Variants in NGFR observed in about 807,000 individuals in gnomAD.
NGFR encodes the protein nerve growth factor receptor, also known as tumor necrosis factor receptor superfamily member 16.
A neutral mutation model predicts 43.2 loss-of-function variants in NGFR; 30 were observed. The observed-to-expected ratio is 0.69, with a 90% confidence interval of 0.52 to 0.94. The LOEUF (loss-of-function observed/expected upper bound fraction) is 0.94, where lower values mean the gene tolerates loss of function less well. NGFR is among the 40% of genes least tolerant of loss of function. The pLI, the probability that NGFR is intolerant of heterozygous loss-of-function variation, is 0.00. For synonymous variants in NGFR, 246 were observed against 259.6 expected (o/e 0.95, Z 0.50); for missense variants, 529 against 602.5 (o/e 0.88, Z 1.28).
Position 49,506,554 on chromosome 17 carries a change from C to A in NGFR, c.464C>A (p.Ser155Tyr). The change falls in exon 3 of 6, where the codon TCC becomes TAC. Residue 155 changes from serine (S) to tyrosine (Y), a missense_variant. Physicochemically the swap from Ser to Tyr is moderately radical, Grantham distance 144. Coordinates refer to ENST00000172229, the MANE Select transcript of NGFR (RefSeq NM_002507.4). ...GAGGAGTGCCCCGACGGCACGTATT[C>A]CGACGAGGCCAACCACGTGGACCCG... is the stretch of plus-strand genomic sequence containing the variant. ...VCEECPDGTYSDEANHVDPCL... is the reference protein window; with the variant it reads ...VCEECPDGTYYDEANHVDPCL... The A allele has an allele frequency of 6.2e-7, 1 of 1,611,574 alleles. No homozygotes were observed. The highest frequency in any genetic ancestry group is 8.5e-7 in the Non-Finnish European group (1 of 1,179,558).
At chr17:49,506,097 C>A in intron 2 of NGFR, 2 of 1,045,302 alleles carry the variant, frequency 1.9e-6, no homozygotes, top group Non-Finnish European at 2.6e-6. Context: ...CGGCTCCGGG[C>A]CTCCTCCCCC....
chr17:49,512,819 A>C lies in NGFR; in HGVS notation c.1094A>C (p.Glu365Ala), dbSNP rs1438373340. 2.6e-5 allele frequency: 42 copies of C among 1,613,290 alleles called. No homozygotes were observed. The highest frequency in any genetic ancestry group is 3.4e-5 in the Non-Finnish European group (40 of 1,179,980). ...GACACCTGGCGGCACCTGGCGGGCG[A>C]GCTGGGCTACCAGCCCGAGCACATA... Reference protein sequence around the residue: ...AGDTWRHLAGELGYQPEHIDS... With the variant: ...AGDTWRHLAGALGYQPEHIDS... Residue 365 changes from glutamate to alanine, a missense_variant, in exon 6 of 6, where the codon GAG becomes GCG. Transcript: ENST00000172229. This position sits in a 1 kb window ranked among gnomAD's most constrained non-coding sequence, Gnocchi z 5.2.
chr17:49,505,988 G>C, intron 2 of NGFR: 1 of 425,464 alleles, frequency 2.4e-6, no homozygotes. Flanking sequence ...TACAGGCCTG[G>C]GAACTCTCAA....
At chr17:49,497,115 CA>C (rs2071142965) in intron 1 of NGFR, 1 of 152,268 alleles carries the variant, frequency 6.6e-6, no homozygotes, top group Non-Finnish European at 1.5e-5. Flanking sequence ...CCCACCTTTT[CA>C]GGGGGCAGCC....
intron 4 of NGFR, 72 bp downstream of exon 4, chr17:49,510,736 CCTGAAAACATA>C: frequency 1.9e-6 from 3 of 1,568,224 alleles, no homozygotes; most frequent in Non-Finnish European, 2.6e-6. Flanking sequence ...GTGACCTTGA[CCTGAAAACATA>C]CACACCCTTT....
At chr17:49,502,000 A>AGCC in intron 1 of NGFR, 63 bp from the exon 2 acceptor site, 21 of 264,884 alleles carry the variant, frequency 7.9e-5, no homozygotes, top group Non-Finnish European at 1.3e-4. Flanking sequence ...CCCCGGAAGA[A>AGCC]CCCCCCCCAA....
At chr17:49,503,454 C>T (rs999999127) in intron 2 of NGFR, among the ~76,000 whole-genome samples, 38 of 152,094 alleles carry the variant, frequency 2.5e-4, no homozygotes, top group African/African-American at 8.7e-4. Context: ...CTGGAGGGCT[C>T]GAGGGAACCA....
intron 2 of NGFR, among the ~76,000 whole-genome samples, chr17:49,504,926 T>C (rs1298246742): frequency 1.3e-5 from 2 of 151,932 alleles, no homozygotes; most frequent in Admixed American, 1.3e-4. Context: ...CGTGCACCAC[T>C]ACACCCAGCT....
In NGFR at chr17:49,513,681, C is replaced by G. The variant is rs2071250584; in HGVS notation, c.*672C>G. 1 of 152,386 alleles carries G rather than the reference C, an allele frequency of 6.6e-6. No homozygotes were observed. The highest frequency in any genetic ancestry group is 2.4e-5 in the African/African-American group (1 of 41,460). The allele number at this position is 152,386 out of a possible 1,614,324, so 9.4% of individuals were successfully genotyped here. On this transcript the variant is annotated 3_prime_UTR_variant, in exon 6 of 6. Transcript: ENST00000172229. Reference sequence around the variant, plus strand: ...CAAGTGCAGGCTGGCACCGCCTTCTCTAAATGAGGGGCCTCAGGTTTGCCT... The same window carrying G: ...CAAGTGCAGGCTGGCACCGCCTTCTGTAAATGAGGGGCCTCAGGTTTGCCT...
At chr17:49,500,054 A>T (rs1259251201) in intron 1 of NGFR, among the ~76,000 whole-genome samples, 1 of 114,270 alleles carries the variant, frequency 8.8e-6, no homozygotes, top group Non-Finnish European at 1.7e-5. Flanking sequence ...AAGCTATATT[A>T]AAAAAAAAAA....
At chr17:49,508,617 C>T (rs565969273) in intron 3 of NGFR, among the ~76,000 whole-genome samples, 14 of 152,350 alleles carry the variant, frequency 9.2e-5, no homozygotes, top group African/African-American at 2.9e-4. Flanking sequence ...AAGGGCTACC[C>T]GCTGCCCCAG....
intron 1 of NGFR, among the ~76,000 whole-genome samples, chr17:49,501,156 C>T (rs1392886964): frequency 6.6e-6 from 1 of 152,188 alleles, no homozygotes; most frequent in African/African-American, 2.4e-5. Flanking sequence ...GTTACATCCA[C>T]GAGCAAAGAT....
Position 49,514,786 on chromosome 17 carries a change from C to A in NGFR, c.*1777C>A, listed in dbSNP as rs566359136. 6.6e-6 allele frequency: 1 copy of A among 151,720 alleles called. No individual in the cohort carries two copies. Among genetic ancestry groups the A allele is most frequent in the Non-Finnish European group, 1.5e-5 (1 of 67,922 alleles). The allele number at this position is 151,720 out of a possible 1,614,324, so 9.4% of individuals were successfully genotyped here. A position where few individuals can be genotyped will look rare whatever the true frequency, so the allele number is the denominator to read the frequency against. ...GGTGGGGAGGGGGTTTGGGGGCTTGCAAGTATGTTTTAGCATGTGTTTGGT... is the reference window on the plus strand; with the variant it reads ...GGTGGGGAGGGGGTTTGGGGGCTTGAAAGTATGTTTTAGCATGTGTTTGGT... On this transcript the variant is annotated 3_prime_UTR_variant, in exon 6 of 6. Transcript: ENST00000172229.
chr17:49,503,356 G>T (rs1445781104), intron 2 of NGFR, among the ~76,000 whole-genome samples: 1 of 152,140 alleles, frequency 6.6e-6, no homozygotes, highest in African/African-American at 2.4e-5. Flanking sequence ...CCTGATCGGT[G>T]CCCCCAGTCC....
chr17:49,510,665 G>A lies in NGFR; in HGVS notation c.821+1G>A. On this transcript the variant is annotated splice_donor_variant, in intron 4 of 5. Coordinates refer to ENST00000172229, the MANE Select transcript of NGFR (RefSeq NM_002507.4). LOFTEE classifies it high-confidence loss of function. ...TTGTGGCCTACATAGCCTTCAAGAG[G>A]TAAGAGAGGGCACGGTGGCGACAGA... is the stretch of plus-strand genomic sequence containing the variant. 6.2e-7 allele frequency: 1 copy of A among 1,610,282 alleles called. No homozygotes were observed. The highest frequency in any genetic ancestry group is 8.5e-7 in the Non-Finnish European group (1 of 1,176,812).
In NGFR at chr17:49,512,050, A is replaced by T; in HGVS notation, c.980A>T (p.Gln327Leu). 2 of 1,612,662 alleles carry T rather than the reference A, an allele frequency of 1.2e-6. No homozygotes were observed. Among genetic ancestry groups the T allele is most frequent in the Non-Finnish European group, 1.7e-6 (2 of 1,179,408 alleles). The change falls in exon 5 of 6, where the codon CAG becomes CTG. Residue 327 changes from glutamine to leucine, a missense_variant and splice_region_variant. Physicochemically the swap from Gln to Leu is moderately radical, Grantham distance 113. Transcript: ENST00000172229. This position sits in a 1 kb window ranked among gnomAD's most constrained non-coding sequence, Gnocchi z 5.2. Reference sequence around the variant, plus strand: ...CCCCACACGCAGACAGCCTCGGGCCAGGGTGAGCAGCGGCCCGCTGGGGAG... The same window carrying T: ...CCCCACACGCAGACAGCCTCGGGCCTGGGTGAGCAGCGGCCCGCTGGGGAG... ...QQPHTQTASG[Q>L]ALKGDGGLYS...
At chr17:49,506,040 G>A (rs1191150246) in intron 2 of NGFR, 15 of 558,354 alleles carry the variant, frequency 2.7e-5, no homozygotes, top group Non-Finnish European at 2.9e-6. Flanking sequence ...GCTGGGTTAT[G>A]CCGGAAAGCC....
intron 1 of NGFR, 64 bp from the exon 2 acceptor site, chr17:49,501,999 A>ATGGGGCCCCCCCC: frequency 3.0e-6 from 1 of 330,984 alleles, no homozygotes; most frequent in Non-Finnish European, 5.9e-6. Flanking sequence ...TCCCCGGAAG[A>ATGGGGCCCCCCCC]ACCCCCCCCA....
chr17:49,496,326 G>C (rs978371522), intron 1 of NGFR: 1 of 152,304 alleles, frequency 6.6e-6, no homozygotes, highest in Non-Finnish European at 1.5e-5. Flanking sequence ...CGGATCTAAG[G>C]CTGGGAGGGG....
Sources: allele counts gnomAD v4.1 joint callset (sites outside exome capture counted in the v4.1 genomes callset), GRCh38; gene constraint gnomAD v4.1.1; non-coding constraint Gnocchi (gnomAD v3.1); transcripts MANE v1.5; gene names NCBI Gene and HGNC (gene_info 2026-07-23, HGNC 2026-07-21).